Variants in STPG2 observed in about 807,000 individuals in gnomAD.
STPG2 encodes the protein sperm tail PG-rich repeat containing 2, also known as sperm-tail PG-rich repeat-containing protein 2.
In STPG2, 56 loss-of-function variants were observed where a neutral mutation model predicts 54.2. That is an observed-to-expected ratio of 1.03 (90% CI 0.83 to 1.29). The LOEUF (loss-of-function observed/expected upper bound fraction) is 1.29, where lower values mean the gene tolerates loss of function less well. Ranked by LOEUF, STPG2 falls within the 50% of genes most tolerant of loss-of-function variation. The pLI, the probability that STPG2 is intolerant of heterozygous loss-of-function variation, is 0.00. For missense variants in STPG2, 596 were observed against 544.9 expected, an observed-to-expected ratio of 1.09 and a Z score of -0.93; for synonymous variants, 200 against 181.8, an observed-to-expected ratio of 1.10 and a Z score of -0.81.
intron 9 of STPG2, among the ~76,000 whole-genome samples, chr4:97,793,133 G>A (rs997182228): frequency 6.6e-6 from 1 of 151,720 alleles, no homozygotes; most frequent in Non-Finnish European, 1.5e-5. Context: ...CAGCCTGGGC[G>A]ACACCATCTC....
intron 9 of STPG2, among the ~76,000 whole-genome samples, chr4:97,800,564 C>T (rs573443686): frequency 4.0e-4 from 61 of 152,286 alleles, no homozygotes; most frequent in African/African-American, 1.3e-3. Context: ...GAGTGGTACC[C>T]GGCCGTGTGA....
At position 98,143,072 on chromosome 4, in the gene STPG2, G is replaced by A. The variant is rs762885872; in HGVS notation, c.79C>T (p.Gln27Ter). ...GCCTGCTGCTTCAGGAAAGGTACCT[G>A]GTAGGATCCAGGACCCACATGGGCC... The part of the protein sequence containing the change: ...TEAHVGPGSY[Q>*]VPFLKQQATG... The change falls in exon 1 of 11, where the codon CAG becomes TAG. Residue 27 changes from glutamine to a stop codon, truncating the protein, a stop_gained. Transcript: ENST00000295268. LOFTEE classifies it high-confidence loss of function. 1.2e-6 allele frequency: 2 copies of A among 1,613,590 alleles called. No homozygotes were observed. The highest frequency in any genetic ancestry group is 1.1e-5 in the South Asian group (1 of 90,928).
intron 10 of STPG2, among the ~76,000 whole-genome samples, chr4:97,674,449 C>A (rs954028683): frequency 4.6e-5 from 7 of 152,082 alleles, no homozygotes; most frequent in African/African-American, 1.7e-4. Flanking sequence ...TCAAAATAAT[C>A]CAAAGTGCTA....
intron 5 of STPG2, among the ~76,000 whole-genome samples, chr4:98,010,324 A>T (rs906076838): frequency 5.9e-5 from 9 of 152,024 alleles, no homozygotes; most frequent in African/African-American, 2.2e-4. Flanking sequence ...AAACGTTTTA[A>T]TTGCCTTCTT....
At chr4:97,882,248 A>G (rs1730404585) in intron 8 of STPG2, among the ~76,000 whole-genome samples, 1 of 152,196 alleles carries the variant, frequency 6.6e-6, no homozygotes, top group Non-Finnish European at 1.5e-5. Context: ...AAGGAATATT[A>G]AGGGACAGGG....
chr4:97,833,221 T>A (rs554966320), intron 9 of STPG2, among the ~76,000 whole-genome samples: 1 of 152,240 alleles, frequency 6.6e-6, no homozygotes, highest in East Asian at 1.9e-4. Flanking sequence ...TCTACAACCA[T>A]CAGATCTTTG....
intron 10 of STPG2, among the ~76,000 whole-genome samples, chr4:97,701,930 C>T (rs375544412): frequency 1.8e-4 from 27 of 152,262 alleles, no homozygotes; most frequent in African/African-American, 3.8e-4. Flanking sequence ...AGTTGAGTGA[C>T]GGTGGTTCCC....
intron 4 of STPG2, among the ~76,000 whole-genome samples, chr4:97,452,317 C>G (rs1729398528): frequency 6.6e-6 from 1 of 152,080 alleles, no homozygotes; most frequent in African/African-American, 2.4e-5. Context: ...TCAGGTGGAG[C>G]CTGGGCACCA....
At chr4:97,540,729 T>A (rs112353624) in intron 4 of STPG2, among the ~76,000 whole-genome samples, 1 of 152,110 alleles carries the variant, frequency 6.6e-6, no homozygotes, top group Non-Finnish European at 1.5e-5. Flanking sequence ...CACTAAATTC[T>A]GGCAAACTGA....
intron 10 of STPG2, among the ~76,000 whole-genome samples, chr4:97,616,289 T>C (rs889293109): frequency 6.6e-6 from 1 of 151,212 alleles, no homozygotes; most frequent in Non-Finnish European, 1.5e-5. Context: ...TTTAGTGAGA[T>C]CAAGAAGAAA....
intron 5 of STPG2, chr4:98,025,632 T>A: frequency 1.2e-6 from 1 of 817,448 alleles, no homozygotes; most frequent in South Asian, 1.3e-5. Flanking sequence ...GCACACGAAC[T>A]GCCAAAATAT....
At chr4:97,596,876 C>G (rs1417049286) in intron 10 of STPG2, among the ~76,000 whole-genome samples, 1 of 151,612 alleles carries the variant, frequency 6.6e-6, no homozygotes, top group African/African-American at 2.4e-5. Flanking sequence ...CAAGAGCAAA[C>G]AAATCCCCAA....
chr4:97,627,093 C>T (rs1164361824), intron 10 of STPG2, among the ~76,000 whole-genome samples: 3 of 152,096 alleles, frequency 2.0e-5, no homozygotes, highest in South Asian at 2.1e-4. Flanking sequence ...TACTAAAATG[C>T]ATCTGATAAC....
At position 98,096,525 on chromosome 4, in the gene STPG2, A is replaced by C. The variant is rs1291504656; in HGVS notation, c.612+9428T>G. On this transcript the variant is annotated intron_variant, in intron 5 of 10. Transcript: ENST00000295268. ...AGCCCCTACACCAAAAAGTAGAAAA[A>C]TTTCAGATAAAGAACCTAATGATGC... is the stretch of plus-strand genomic sequence containing the variant. 2.6e-5 allele frequency among the ~76,000 whole-genome samples: 4 copies of C among 152,164 alleles called. No homozygotes were observed. The East Asian group carries it at 7.7e-4, about 29-fold the overall frequency.
At chr4:97,850,019 C>T (rs1461506759) in intron 8 of STPG2, among the ~76,000 whole-genome samples, 1 of 151,556 alleles carries the variant, frequency 6.6e-6, no homozygotes, top group Non-Finnish European at 1.5e-5. Context: ...TTGGAACCAA[C>T]CCAAATGTCC....
At chr4:97,681,448 G>GA (rs1008293987) in intron 10 of STPG2, among the ~76,000 whole-genome samples, 7 of 151,784 alleles carry the variant, frequency 4.6e-5, no homozygotes, top group African/African-American at 1.7e-4. Flanking sequence ...CTAAAATAAA[G>GA]AAAAAAATTT....
rs1462543612 is a variant in STPG2 at position 98,019,796 on chromosome 4, A to G, written c.613-38478T>C. ...TTGAAGCAATTGTGAATGGGAGTTC[A>G]CTCATGATTTGGCTCTCTGTTTGTC... On this transcript the variant is annotated intron_variant, in intron 5 of 10. Coordinates refer to ENST00000295268, the MANE Select transcript of STPG2 (RefSeq NM_174952.3). Among the ~76,000 whole-genome samples, 2 of 119,414 alleles carry G rather than the reference A, an allele frequency of 1.7e-5. 1 individual carries two copies. The highest frequency in any genetic ancestry group is 6.7e-5 in the African/African-American group (2 of 29,808). The allele number at this position is 119,414 out of a possible 152,430, so 78.3% of individuals were successfully genotyped here.
chr4:97,883,709 T>A (rs1167322766), intron 8 of STPG2, among the ~76,000 whole-genome samples: 3 of 152,038 alleles, frequency 2.0e-5, no homozygotes, highest in Non-Finnish European at 4.4e-5. Flanking sequence ...CCAAGTCAAT[T>A]ACAAGAAGAA....
At position 97,891,312 on chromosome 4, in the gene STPG2, A is replaced by C. The variant is rs534085990; in HGVS notation, c.1045-50380T>G. Among the ~76,000 whole-genome samples the C allele has an allele frequency of 4.6e-5, 7 of 152,222 alleles. No homozygotes were observed. In the East Asian group the frequency reaches 1.4e-3, roughly 29 times the overall value. ...ATAAATTGACTTTTATAAAAGAAAA[A>C]TGTGAGAAACTCAATCAGCTGGAAG... On this transcript the variant is annotated intron_variant, in intron 8 of 10. Transcript: ENST00000295268.
Sources: gnomAD v4.1 joint callset for allele counts (sites outside exome capture counted in the v4.1 genomes callset) on GRCh38, gnomAD v4.1.1 for gene constraint, MANE v1.5 for transcripts, NCBI Gene and HGNC (gene_info 2026-07-23, HGNC 2026-07-21) for gene names.